HSD17B4: variants seen among roughly 807,000 people sequenced by gnomAD.
The protein encoded by HSD17B4 is hydroxysteroid 17-beta dehydrogenase 4.
A neutral mutation model predicts 101.0 loss-of-function variants in HSD17B4; 70 were observed. The observed-to-expected ratio is 0.69, with a 90% confidence interval of 0.57 to 0.85. The LOEUF (loss-of-function observed/expected upper bound fraction) is 0.85. HSD17B4 is among the 40% of genes least tolerant of loss of function. HSD17B4 has a pLI of 0.00. For missense variants in HSD17B4, 984 were observed against 892.4 expected, an observed-to-expected ratio of 1.10 and a Z score of -1.31; for synonymous variants, 347 against 297.1, an observed-to-expected ratio of 1.17 and a Z score of -1.73.
At chr5:119,501,634 G>C (rs950278175) in intron 13 of HSD17B4, among the ~76,000 whole-genome samples, 3 of 152,018 alleles carry the variant, frequency 2.0e-5, no homozygotes, top group Admixed American at 6.6e-5. Flanking sequence ...TTTGTATTTG[G>C]TATATGTGAC....
At chr5:119,458,436 G>A (rs886204602) in intron 2 of HSD17B4, among the ~76,000 whole-genome samples, 5 of 150,994 alleles carry the variant, frequency 3.3e-5, no homozygotes, top group Admixed American at 6.6e-5. Context: ...GTCTGCCTCC[G>A]GGTTCAAGCA....
intron 2 of HSD17B4, among the ~76,000 whole-genome samples, chr5:119,465,611 A>G (rs1755730623): frequency 6.6e-6 from 1 of 152,200 alleles, no homozygotes; most frequent in Non-Finnish European, 1.5e-5. Context: ...TTCCTATAAC[A>G]ATGCAGAAGT....
chr5:119,538,488 C>G (rs1157151974), intron 23 of HSD17B4, among the ~76,000 whole-genome samples: 4 of 152,178 alleles, frequency 2.6e-5, no homozygotes, highest in African/African-American at 9.7e-5. Context: ...GTCATTTCTA[C>G]TACTTTCATT....
chr5:119,485,516 A>G (rs1381344782), intron 8 of HSD17B4, among the ~76,000 whole-genome samples: 2 of 152,172 alleles, frequency 1.3e-5, no homozygotes, highest in Non-Finnish European at 2.9e-5. Flanking sequence ...TTCTAGTCCT[A>G]AAATTCCATT....
chr5:119,484,518 A>G (rs1253255743), intron 8 of HSD17B4, among the ~76,000 whole-genome samples: 1 of 152,192 alleles, frequency 6.6e-6, no homozygotes, highest in East Asian at 1.9e-4. Flanking sequence ...TGCAATATAT[A>G]TATAATAGTT....
chr5:119,512,664 CTG>C (rs1752283276), intron 16 of HSD17B4, among the ~76,000 whole-genome samples: 1 of 152,222 alleles, frequency 6.6e-6, no homozygotes, highest in African/African-American at 2.4e-5. Flanking sequence ...ACAACAAAAA[CTG>C]AGAGAATTTG....
chr5:119,507,281 C>G (rs893503319), intron 15 of HSD17B4, among the ~76,000 whole-genome samples: 1 of 152,130 alleles, frequency 6.6e-6, no homozygotes, highest in Non-Finnish European at 1.5e-5. Context: ...CTATTTGGAA[C>G]TTGGAACATA....
intron 2 of HSD17B4, among the ~76,000 whole-genome samples, chr5:119,471,052 T>C (rs1050626444): frequency 3.9e-5 from 6 of 152,232 alleles, no homozygotes; most frequent in Non-Finnish European, 8.8e-5. Context: ...TAGTGTTTCA[T>C]TGCACAATCA....
intron 2 of HSD17B4, among the ~76,000 whole-genome samples, chr5:119,470,723 T>G (rs140793928): frequency 2.6e-5 from 4 of 152,348 alleles, no homozygotes; most frequent in African/African-American, 9.6e-5. Context: ...CTCTTAGACA[T>G]TCTACCTGAA....
intron 8 of HSD17B4, chr5:119,487,479 C>T (rs1749713716): frequency 6.6e-6 from 1 of 151,846 alleles, no homozygotes; most frequent in Admixed American, 6.6e-5. Flanking sequence ...CTTTTATTTA[C>T]TCTCTTAAGG....
intron 9 of HSD17B4, among the ~76,000 whole-genome samples, chr5:119,490,376 C>CT (rs1749993340): frequency 6.6e-6 from 1 of 152,036 alleles, no homozygotes; most frequent in African/African-American, 2.4e-5. Context: ...AACTATTTAT[C>CT]TTTTACAGTT....
At chr5:119,479,351 T>C (rs1255031904) in intron 8 of HSD17B4, among the ~76,000 whole-genome samples, 1 of 152,190 alleles carries the variant, frequency 6.6e-6, no homozygotes, top group Non-Finnish European at 1.5e-5. Context: ...AGAGCAGTTC[T>C]AGATTTACAG....
chr5:119,485,716 A>G (rs1396041960), intron 8 of HSD17B4, among the ~76,000 whole-genome samples: 1 of 152,192 alleles, frequency 6.6e-6, no homozygotes, highest in Admixed American at 6.6e-5. Context: ...CCTTTGAAAT[A>G]CACTTGATAC....
Position 119,499,507 on chromosome 5 carries a change from G to A in HSD17B4, c.1163G>A (p.Gly388Asp), listed in dbSNP as rs1366620030. ...ATCATAGGTCAGAAATCTATGATGGGTGGAGGATTAGCAGAAATTCCTGGA... is the reference window on the plus strand; with the variant it reads ...ATCATAGGTCAGAAATCTATGATGGATGGAGGATTAGCAGAAATTCCTGGA... ...GVIIGQKSMM[G>D]GGLAEIPGLS... The change falls in exon 13 of 24, where the codon GGT becomes GAT. Residue 388 changes from glycine to aspartate, a missense_variant. Coordinates refer to ENST00000510025, the MANE Select transcript of HSD17B4 (RefSeq NM_000414.4). The A allele has an allele frequency of 1.9e-6, 3 of 1,613,568 alleles. No individual in the cohort carries two copies. Among genetic ancestry groups the A allele is most frequent in the Non-Finnish European group, 2.5e-6 (3 of 1,179,566 alleles).
At chr5:119,452,795 G>T in intron 1 of HSD17B4, 162 bp downstream of exon 1, 1 of 1,543,076 alleles carries the variant, frequency 6.5e-7, no homozygotes. Context: ...GGAGGAAAGA[G>T]CCGGAAACAC....
Position 119,462,248 on chromosome 5 carries a change from A to ATTTTTTTTTTTTTTTTTTTTTTT in HSD17B4, c.112+5893_112+5915dup, listed in dbSNP as rs10524491. 1.0e-4 allele frequency among the ~76,000 whole-genome samples: 3 copies of ATTTTTTTTTTTTTTTTTTTTTTT among 30,010 alleles called. 1 individual carries two copies. The highest frequency in any genetic ancestry group is 2.4e-4 in the Non-Finnish European group (3 of 12,648). 19.7% of individuals were successfully genotyped at this position (30,010 alleles called of 152,430 possible). ...TTCATATCCTCCCCCAACAAATGTG[A>ATTTTTTTTTTTTTTTTTTTTTTT]TTTTTTTTTTTTTTTTTTTTTTTTT... On this transcript the variant is annotated intron_variant, in intron 2 of 23. Transcript: ENST00000510025.
intron 17 of HSD17B4, among the ~76,000 whole-genome samples, chr5:119,522,398 G>A (rs1033978996): frequency 5.9e-5 from 9 of 152,258 alleles, no homozygotes; most frequent in East Asian, 1.9e-4. Flanking sequence ...ATAAACATAC[G>A]TGTGCATGTG....
At chr5:119,455,542 TTCTCTC>T (rs200829499) in intron 1 of HSD17B4, among the ~76,000 whole-genome samples, 45 of 139,330 alleles carry the variant, frequency 3.2e-4, no homozygotes, top group African/African-American at 5.1e-4. Flanking sequence ...AAGCAAAACT[TTCTCTC>T]TCTCTCTCTC....
intron 17 of HSD17B4, among the ~76,000 whole-genome samples, chr5:119,520,036 G>A (rs968504425): frequency 1.3e-5 from 2 of 151,908 alleles, no homozygotes; most frequent in Admixed American, 6.6e-5. Flanking sequence ...TTTCCAATAC[G>A]TGTCACCTTC....
Sources: allele counts gnomAD v4.1 joint callset (sites outside exome capture counted in the v4.1 genomes callset), GRCh38; gene constraint gnomAD v4.1.1; transcripts MANE v1.5; gene names NCBI Gene and HGNC (gene_info 2026-07-23, HGNC 2026-07-21).